The following PIBF1 variants were observed in gnomAD, a reference collection of about 807,000 sequenced individuals.
PIBF1 encodes the protein progesterone immunomodulatory binding factor 1.
PIBF1 carries 90 observed loss-of-function variants against 112.5 expected under a neutral mutation model. The observed-to-expected ratio is 0.80, with a 90% CI of 0.67 to 0.95. PIBF1 has a LOEUF of 0.95. PIBF1 is among the 40% of genes least tolerant of loss of function. The pLI, the probability that PIBF1 is intolerant of heterozygous loss-of-function variation, is 0.00. For synonymous variants in PIBF1, 301 were observed against 288.6 expected, an observed-to-expected ratio of 1.04 and a Z score of -0.44; for missense variants, 915 against 852.3, an observed-to-expected ratio of 1.07 and a Z score of -0.92.
chr13:72,932,288 C>A lies in PIBF1; in HGVS notation c.1833+1021C>A, dbSNP rs563009215. On this transcript the variant is annotated intron_variant, in intron 14 of 17. Transcript: ENST00000326291. ...GTTTTAAAAACTATTTCTCTTATAA[C>A]AAAGGGTTTTTTCAAGTCATACATT... Among the ~76,000 whole-genome samples the A allele has an allele frequency of 6.4e-4, 98 of 152,140 alleles. 2 individuals carry two copies. Among genetic ancestry groups the A allele is most frequent in the Admixed American group, 6.4e-3 (98 of 15,268 alleles).
intron 5 of PIBF1, among the ~76,000 whole-genome samples, chr13:72,815,921 T>C (rs376752447): frequency 5.3e-5 from 8 of 152,236 alleles, no homozygotes; most frequent in African/African-American, 1.7e-4. Flanking sequence ...TGTGATACTT[T>C]TAAGATAATT....
intron 11 of PIBF1, among the ~76,000 whole-genome samples, chr13:72,902,947 A>G (rs1307690990): frequency 1.3e-5 from 2 of 151,858 alleles, no homozygotes; most frequent in Non-Finnish European, 2.9e-5. Flanking sequence ...CCAGGCTGGA[A>G]TGCAGTGTCA....
intron 15 of PIBF1, chr13:72,969,830 T>C (rs2042843420): frequency 6.6e-6 from 1 of 152,214 alleles, no homozygotes; most frequent in Non-Finnish European, 1.5e-5. Flanking sequence ...GGGGCATATA[T>C]AAAGCTTTGG....
chr13:73,007,993 G>T (rs548728372), intron 17 of PIBF1, among the ~76,000 whole-genome samples: 2 of 152,210 alleles, frequency 1.3e-5, no homozygotes, highest in Non-Finnish European at 2.9e-5. Context: ...ATCTGGAAAT[G>T]AAGAATATAC....
chr13:72,848,660 C>T (rs1262082826), intron 9 of PIBF1, among the ~76,000 whole-genome samples: 3 of 151,922 alleles, frequency 2.0e-5, no homozygotes, highest in Admixed American at 6.6e-5. Context: ...AGTGAAACCC[C>T]GTCTCTACTA....
chr13:72,855,991 A>G (rs1267625510), intron 10 of PIBF1, among the ~76,000 whole-genome samples: 1 of 152,184 alleles, frequency 6.6e-6, no homozygotes, highest in Non-Finnish European at 1.5e-5. Flanking sequence ...GTGGTTTTGT[A>G]AAGTTGGAGA....
At chr13:73,012,374 T>C (rs958326007) in intron 17 of PIBF1, among the ~76,000 whole-genome samples, 1 of 151,216 alleles carries the variant, frequency 6.6e-6, no homozygotes, top group African/African-American at 2.4e-5. Context: ...AAATGACAAA[T>C]GCATTTGATA....
chr13:72,823,580 G>C (rs1032229720), intron 6 of PIBF1, among the ~76,000 whole-genome samples: 3 of 152,050 alleles, frequency 2.0e-5, no homozygotes, highest in Non-Finnish European at 4.4e-5. Context: ...TATGCCCCGG[G>C]TAAATTCTCA....
At chr13:72,968,610 G>A (rs2042811608) in intron 15 of PIBF1, among the ~76,000 whole-genome samples, 1 of 151,892 alleles carries the variant, frequency 6.6e-6, no homozygotes, top group Non-Finnish European at 1.5e-5. Context: ...CTGAGCATTT[G>A]AAATGTGGCT....
chr13:72,894,772 A>T lies in PIBF1; in HGVS notation c.1488+823A>T, dbSNP rs554931221. Among the ~76,000 whole-genome samples the T allele has an allele frequency of 3.7e-3, 508 of 137,214 alleles. 2 individuals carry two copies. The highest frequency in any genetic ancestry group is 0.013 in the African/African-American group (471 of 35,194). 90.0% of individuals were successfully genotyped at this position (137,214 alleles called of 152,430 possible). A position where few individuals can be genotyped will look rare whatever the true frequency, so the allele number is the denominator to read the frequency against. ...TAATATATATATTATATATATATAT[A>T]GTGTGTGTGTGTGTGTGTGTGTGTG... is the stretch of plus-strand genomic sequence containing the variant. On this transcript the variant is annotated intron_variant, in intron 11 of 17. Coordinates refer to ENST00000326291, the MANE Select transcript of PIBF1 (RefSeq NM_006346.4).
chr13:72,840,636 G>C (rs1305394608), intron 9 of PIBF1, among the ~76,000 whole-genome samples: 2 of 150,274 alleles, frequency 1.3e-5, no homozygotes, highest in African/African-American at 4.9e-5. Flanking sequence ...CGATTCTCCT[G>C]TCTCAGCCTT....
chr13:72,792,567 A>G lies in PIBF1; in HGVS notation c.353+20A>G, dbSNP rs780766692. The G allele has an allele frequency of 7.3e-5, 87 of 1,194,370 alleles. No individual in the cohort carries two copies. Among genetic ancestry groups the G allele is most frequent in the Non-Finnish European group, 9.6e-5 (81 of 840,400 alleles). 74.0% of individuals were successfully genotyped at this position (1,194,370 alleles called of 1,614,324 possible). On this transcript the variant is annotated intron_variant, in intron 3 of 17. Transcript: ENST00000326291. ...TGCCAGGTAAGAAAAGTTTTTTTTA[A>G]AAAAAAAACAACATCTATTTAGCAA...
Position 72,998,903 on chromosome 13 carries a change from C to G in PIBF1, c.2131C>G (p.Pro711Ala), listed in dbSNP as rs781397576. The change falls in exon 17 of 18, where the codon CCA becomes GCA. Residue 711 changes from proline (P) to alanine (A), a missense_variant. Physicochemically the swap from Pro to Ala is conservative, Grantham distance 27. Coordinates refer to ENST00000326291, the MANE Select transcript of PIBF1 (RefSeq NM_006346.4). ...ENSLLLTKTEPKHVTENQKSK... is the reference protein window; with the variant it reads ...ENSLLLTKTEAKHVTENQKSK... ...CAGCTTACTTCTCACTAAAACAGAA[C>G]CAAAACATGTGACAGAAAATCAGAA... The G allele has an allele frequency of 8.1e-6, 13 of 1,612,036 alleles. 1 individual carries two copies. In the South Asian group the frequency reaches 1.3e-4, roughly 16 times the overall value.
chr13:72,948,131 G>A (rs1179726200), intron 14 of PIBF1, among the ~76,000 whole-genome samples: 2 of 151,496 alleles, frequency 1.3e-5, no homozygotes, highest in African/African-American at 2.4e-5. Context: ...TAGTGTAGAC[G>A]AGTTGATGGG....
chr13:72,887,475 G>T (rs1182670385), intron 10 of PIBF1, among the ~76,000 whole-genome samples: 1 of 151,726 alleles, frequency 6.6e-6, no homozygotes, highest in Non-Finnish European at 1.5e-5. Context: ...AATATTTTCA[G>T]GGTATAAAAA....
intron 9 of PIBF1, among the ~76,000 whole-genome samples, chr13:72,850,675 AAC>A (rs1350262364): frequency 4.6e-5 from 7 of 152,254 alleles, no homozygotes; most frequent in African/African-American, 1.7e-4. Flanking sequence ...TTGAGAAATG[AAC>A]ATTGAAACCA....
At chr13:72,914,695 C>T (rs2041020586) in intron 12 of PIBF1, among the ~76,000 whole-genome samples, 1 of 152,164 alleles carries the variant, frequency 6.6e-6, no homozygotes, top group African/African-American at 2.4e-5. Flanking sequence ...GTGATTCCCC[C>T]TGCCTCATCC....
At chr13:72,862,254 G>A (rs2038726835) in intron 10 of PIBF1, among the ~76,000 whole-genome samples, 1 of 152,210 alleles carries the variant, frequency 6.6e-6, no homozygotes, top group African/African-American at 2.4e-5. Context: ...GAACATGAAT[G>A]TTAAAGGAAT....
chr13:72,861,279 A>G, intron 10 of PIBF1, among the ~76,000 whole-genome samples: 1 of 152,068 alleles, frequency 6.6e-6, no homozygotes, highest in Non-Finnish European at 1.5e-5. Flanking sequence ...CAAAAAATGT[A>G]ATAATTATTA....
Sources: allele counts gnomAD v4.1 joint callset (sites outside exome capture counted in the v4.1 genomes callset), GRCh38; gene constraint gnomAD v4.1.1; transcripts MANE v1.5; gene names NCBI Gene and HGNC (gene_info 2026-07-23, HGNC 2026-07-21).